PLCB4: variants seen among roughly 807,000 people sequenced by gnomAD.
The protein encoded by PLCB4 is phospholipase C beta 4.
A neutral mutation model predicts 178.8 loss-of-function variants in PLCB4; 77 were observed. The observed-to-expected ratio is 0.43, with a 90% CI of 0.36 to 0.52. PLCB4 has a LOEUF of 0.52. PLCB4 is among the 20% of genes least tolerant of loss of function. The pLI, the probability that PLCB4 is intolerant of heterozygous loss-of-function variation, is 0.00. For missense variants in PLCB4, 1,024 were observed against 1,453.4 expected, an observed-to-expected ratio of 0.70 and a Z score of 4.80; for synonymous variants, 496 against 490.8, an observed-to-expected ratio of 1.01 and a Z score of -0.14.
At chr20:9,138,799 T>C (rs1212042160) in intron 2 of PLCB4, among the ~76,000 whole-genome samples, 1 of 152,122 alleles carries the variant, frequency 6.6e-6, no homozygotes, top group Non-Finnish European at 1.5e-5. Flanking sequence ...GCAGTCTTGA[T>C]GTTATAAGGT....
intron 2 of PLCB4, among the ~76,000 whole-genome samples, chr20:9,107,089 G>T (rs1274904119): frequency 9.2e-5 from 14 of 152,234 alleles, no homozygotes; most frequent in Non-Finnish European, 1.8e-4. Flanking sequence ...CCCAGTCATG[G>T]CCAATCTTGT....
intron 4 of PLCB4, among the ~76,000 whole-genome samples, chr20:9,335,771 C>T (rs1288394398): frequency 6.6e-6 from 1 of 152,106 alleles, no homozygotes. Context: ...ACTCCTAAAG[C>T]AAAAATTATA....
intron 1 of PLCB4, among the ~76,000 whole-genome samples, chr20:9,080,042 A>T (rs887722875): frequency 6.6e-6 from 1 of 152,192 alleles, no homozygotes; most frequent in Non-Finnish European, 1.5e-5. Context: ...AAAATATTTT[A>T]TTTAAAATGT....
At chr20:9,200,305 C>A (rs767846157) in intron 2 of PLCB4, among the ~76,000 whole-genome samples, 2 of 152,190 alleles carry the variant, frequency 1.3e-5, no homozygotes, top group Non-Finnish European at 2.9e-5. Context: ...ATCCATCAAC[C>A]AATGCTGTTG....
chr20:9,247,850 G>A (rs1745180958), intron 3 of PLCB4, among the ~76,000 whole-genome samples: 1 of 151,984 alleles, frequency 6.6e-6, no homozygotes, highest in Non-Finnish European at 1.5e-5. Flanking sequence ...AGATAAAATG[G>A]GAAACATTTA....
chr20:9,112,256 C>CTTTTTTTT (rs924027156), intron 2 of PLCB4, among the ~76,000 whole-genome samples: 1 of 137,172 alleles, frequency 7.3e-6, no homozygotes. Context: ...ATACCCTACT[C>CTTTTTTTT]TTTTTTTTTT....
intron 30 of PLCB4, among the ~76,000 whole-genome samples, chr20:9,437,450 A>G (rs1343032125): frequency 6.6e-6 from 1 of 152,250 alleles, no homozygotes; most frequent in African/African-American, 2.4e-5. Context: ...AAATTATCAA[A>G]TGAGCACTTG....
rs1393387835 is a variant in PLCB4, at chr20:9,145,728, C to T, written c.-79+49386C>T. On this transcript the variant is annotated intron_variant, in intron 2 of 39. Transcript: ENST00000378473. ...ATATTCATTGATCATCTGTGAGCCACCTAAATTGGAATAGCAAGGATCTCT... is the reference window on the plus strand; with the variant it reads ...ATATTCATTGATCATCTGTGAGCCATCTAAATTGGAATAGCAAGGATCTCT... Among the ~76,000 whole-genome samples, 3 of 151,976 alleles carry T rather than the reference C, an allele frequency of 2.0e-5. No homozygotes were observed. The East Asian group carries it at 5.8e-4, about 29-fold the overall frequency.
chr20:9,374,864 C>T (rs1365113478), intron 12 of PLCB4, among the ~76,000 whole-genome samples: 3 of 152,056 alleles, frequency 2.0e-5, no homozygotes, highest in African/African-American at 7.2e-5. Flanking sequence ...CAGATTCTTT[C>T]TTTAAGTATT....
chr20:9,245,854 G>A (rs765131427), intron 3 of PLCB4, among the ~76,000 whole-genome samples: 4 of 151,662 alleles, frequency 2.6e-5, no homozygotes, highest in Middle Eastern at 3.2e-3. Context: ...GGCTGGTCTC[G>A]AACTCATGAC....
intron 5 of PLCB4, among the ~76,000 whole-genome samples, chr20:9,337,442 T>A (rs577860174): frequency 4.6e-5 from 7 of 152,298 alleles, no homozygotes; most frequent in African/African-American, 1.7e-4. Flanking sequence ...TTACAAGTCA[T>A]TGAATGTTGT....
chr20:9,418,622 TC>T (rs1433045208), intron 25 of PLCB4, among the ~76,000 whole-genome samples: 1 of 152,168 alleles, frequency 6.6e-6, no homozygotes, highest in African/African-American at 2.4e-5. Context: ...AATTTTGTTC[TC>T]TCTTTTAACA....
intron 21 of PLCB4, 92 bp from the exon 22 acceptor site, chr20:9,407,825 G>A (rs1602450032): frequency 1.1e-5 from 12 of 1,062,210 alleles, no homozygotes; most frequent in Admixed American, 7.3e-5. Flanking sequence ...ATTTGTGTGT[G>A]TGCAATTATC....
chr20:9,148,534 T>G (rs919006542), intron 2 of PLCB4, among the ~76,000 whole-genome samples: 1 of 152,006 alleles, frequency 6.6e-6, no homozygotes, highest in African/African-American at 2.4e-5. Flanking sequence ...GTCTCTTCCC[T>G]CGCCCCAAGA....
intron 8 of PLCB4, 77 bp from the exon 9 acceptor site, chr20:9,365,384 C>A: frequency 1.2e-6 from 1 of 864,926 alleles, no homozygotes; most frequent in Non-Finnish European, 1.9e-6. Flanking sequence ...AATGAACTTT[C>A]TTTTAAAGTT....
chr20:9,211,000 C>T (rs2093666776), intron 2 of PLCB4, among the ~76,000 whole-genome samples: 1 of 152,074 alleles, frequency 6.6e-6, no homozygotes, highest in African/African-American at 2.4e-5. Context: ...ATTGGTGAAA[C>T]TTGTTTCTAA....
In PLCB4 at chr20:9,357,922, G is replaced by T. The variant is rs138007932; in HGVS notation, c.370-4974G>T. On this transcript the variant is annotated intron_variant, in intron 7 of 39. Transcript: ENST00000378473. ...CAAGTTGAGGGGGGCTGCTCTTTTA[G>T]ACCTATGATTCTCAAATTCTAATGT... is the stretch of plus-strand genomic sequence containing the variant. 1.4e-4 allele frequency among the ~76,000 whole-genome samples: 21 copies of T among 152,314 alleles called. No individual in the cohort carries two copies. In the East Asian group the frequency reaches 4.1e-3, roughly 29 times the overall value.
intron 2 of PLCB4, chr20:9,166,397 G>A (rs1194410720): frequency 6.6e-6 from 1 of 152,182 alleles, no homozygotes; most frequent in African/African-American, 2.4e-5. Flanking sequence ...TCGACTTAGG[G>A]TAGTTGAAAG....
chr20:9,396,311 G>A (rs2038583098), intron 19 of PLCB4, among the ~76,000 whole-genome samples: 1 of 152,164 alleles, frequency 6.6e-6, no homozygotes, highest in African/African-American at 2.4e-5. Context: ...TAATTTAAGA[G>A]ACCCTCAGGC....
Sources: allele counts gnomAD v4.1 joint callset (sites outside exome capture counted in the v4.1 genomes callset), GRCh38; gene constraint gnomAD v4.1.1; transcripts MANE v1.5; gene names NCBI Gene and HGNC (gene_info 2026-07-23, HGNC 2026-07-21).